VSTM4: variants seen among roughly 807,000 people sequenced by gnomAD.
The protein encoded by VSTM4 is V-set and transmembrane domain-containing protein 4.
In VSTM4, 20 loss-of-function variants were observed where a neutral mutation model predicts 36.4. That is an observed-to-expected ratio of 0.55 (90% CI 0.39 to 0.80). VSTM4 has a LOEUF of 0.80. Among genes scored for constraint, VSTM4 ranks in the 30% least tolerant of loss-of-function variants. The pLI, the probability that VSTM4 is intolerant of heterozygous loss-of-function variation, is 0.00. For synonymous variants in VSTM4, 182 were observed against 173.9 expected, an observed-to-expected ratio of 1.05 and a Z score of -0.37; for missense variants, 392 against 404.5, an observed-to-expected ratio of 0.97 and a Z score of 0.26.
chr10:49,100,097 G>C (rs1278607466), intron 2 of VSTM4, among the ~76,000 whole-genome samples: 3 of 152,170 alleles, frequency 2.0e-5, no homozygotes, highest in Non-Finnish European at 4.4e-5. Flanking sequence ...GGCAATCCCA[G>C]TTGTTTTTTT....
intron 3 of VSTM4, among the ~76,000 whole-genome samples, chr10:49,081,146 C>A (rs1450129694): frequency 6.6e-6 from 1 of 152,194 alleles, no homozygotes; most frequent in East Asian, 1.9e-4. Context: ...ACCCAGCAAA[C>A]CCACGGCCAG....
chr10:49,050,422 C>T (rs1271421266), intron 5 of VSTM4, among the ~76,000 whole-genome samples: 1 of 152,112 alleles, frequency 6.6e-6, no homozygotes, highest in East Asian at 1.9e-4. Flanking sequence ...AAGAGATAGG[C>T]TATTCTAATA....
Position 49,016,903 on chromosome 10 carries a change from C to T in VSTM4, c.*2747G>A, listed in dbSNP as rs1026259924. 6.6e-6 allele frequency: 1 copy of T among 152,366 alleles called. No homozygotes were observed. Among genetic ancestry groups the T allele is most frequent in the Non-Finnish European group, 1.5e-5 (1 of 68,078 alleles). 9.4% of individuals were successfully genotyped at this position (152,366 alleles called of 1,614,324 possible). ...TGTGCTGACTCCATGCCAACCATGC[C>T]AAGGCCAAAACTCACCACCAAATCT... On this transcript the variant is annotated 3_prime_UTR_variant, in exon 8 of 8. Coordinates refer to ENST00000332853, the MANE Select transcript of VSTM4 (RefSeq NM_001031746.5).
intron 7 of VSTM4, among the ~76,000 whole-genome samples, chr10:49,034,006 A>G (rs1237367847): frequency 2.0e-5 from 3 of 152,046 alleles, no homozygotes; most frequent in Admixed American, 2.0e-4. Context: ...CACCATTACC[A>G]TCATCATCAC....
chr10:49,045,795 G>A (rs1347067553), intron 7 of VSTM4, among the ~76,000 whole-genome samples: 2 of 152,120 alleles, frequency 1.3e-5, no homozygotes, highest in African/African-American at 2.4e-5. Flanking sequence ...CATGTGCCCC[G>A]ATACCATGCA....
chr10:49,021,933 T>C (rs1006554878), intron 7 of VSTM4, among the ~76,000 whole-genome samples: 3 of 152,220 alleles, frequency 2.0e-5, no homozygotes, highest in African/African-American at 7.2e-5. Flanking sequence ...TAAGTAAATA[T>C]GTGGGTACAT....
Position 49,074,535 on chromosome 10 carries a change from C to CTT in VSTM4, c.634+2683_634+2684insAA, listed in dbSNP as rs2131988826. Among the ~76,000 whole-genome samples the CTT allele has an allele frequency of 1.3e-5, 2 of 152,258 alleles. 1 individual carries two copies. Among genetic ancestry groups the CTT allele is most frequent in the South Asian group, 4.1e-4 (2 of 4,820 alleles). On this transcript the variant is annotated intron_variant, in intron 4 of 7. Transcript: ENST00000332853. The stretch of plus-strand genomic sequence containing the variant: ...TCCTGAAGTTTTGGGGAGGGCTGCT[C>CTT]TAAGACTCCTGGGCCCAGCTGAAGG...
rs1843150906 is a variant in VSTM4 at position 49,019,655 on chromosome 10, G to T, written c.958C>A (p.Leu320Met). Reference protein sequence around the residue: ...YAQILFEENKL With the variant: ...YAQILFEENKM ...CCTTGGAGGTGGACGCTGTACTACAGCTTGTTCTCCTCGAAGAGGATCTGG... is the reference window on the plus strand; with the variant it reads ...CCTTGGAGGTGGACGCTGTACTACATCTTGTTCTCCTCGAAGAGGATCTGG... Residue 320 changes from leucine to methionine, a missense_variant, in exon 8 of 8, where the codon CTG becomes ATG. Coordinates refer to ENST00000332853, the MANE Select transcript of VSTM4 (RefSeq NM_001031746.5). 3.1e-6 allele frequency: 5 copies of T among 1,611,036 alleles called. No homozygotes were observed. Among genetic ancestry groups the T allele is most frequent in the Non-Finnish European group, 4.2e-6 (5 of 1,178,680 alleles).
intron 4 of VSTM4, among the ~76,000 whole-genome samples, chr10:49,066,867 A>G (rs186716570): frequency 3.8e-4 from 58 of 152,306 alleles, no homozygotes; most frequent in African/African-American, 1.3e-3. Context: ...CACACATATT[A>G]TCTTACAGAT....
At chr10:49,049,361 T>A (rs1843662843) in intron 5 of VSTM4, among the ~76,000 whole-genome samples, 1 of 152,082 alleles carries the variant, frequency 6.6e-6, no homozygotes, top group East Asian at 1.9e-4. Flanking sequence ...ACATTGTTGG[T>A]AAGCAGCAAA....
intron 7 of VSTM4, among the ~76,000 whole-genome samples, chr10:49,021,408 A>G (rs1358019922): frequency 3.3e-5 from 5 of 152,212 alleles, no homozygotes; most frequent in African/African-American, 9.6e-5. Context: ...GTACATTTTC[A>G]TGCTACACAT....
chr10:49,096,894 C>G (rs547113130), intron 2 of VSTM4, among the ~76,000 whole-genome samples: 2 of 152,134 alleles, frequency 1.3e-5, no homozygotes, highest in African/African-American at 4.8e-5. Context: ...ACCTCGTGAT[C>G]CACCCACCTC....
intron 4 of VSTM4, among the ~76,000 whole-genome samples, chr10:49,074,923 C>T (rs1844147146): frequency 6.6e-6 from 1 of 152,052 alleles, no homozygotes. Context: ...TCCCTGGTTT[C>T]AGGGCCTTCT....
intron 5 of VSTM4, among the ~76,000 whole-genome samples, chr10:49,060,550 T>C (rs573575222): frequency 1.8e-4 from 28 of 152,360 alleles, no homozygotes; most frequent in African/African-American, 6.3e-4. Context: ...AATTGTGTTA[T>C]CTGTCACCTC....
intron 5 of VSTM4, among the ~76,000 whole-genome samples, chr10:49,052,403 T>C (rs1843711624): frequency 6.6e-6 from 1 of 151,510 alleles, no homozygotes; most frequent in Non-Finnish European, 1.5e-5. Flanking sequence ...TCATTTATGA[T>C]GGAAGGATAG....
chr10:49,108,137 A>G (rs1590139604), intron 1 of VSTM4, 142 bp from the exon 2 acceptor site: 2 of 1,207,922 alleles, frequency 1.7e-6, no homozygotes, highest in Admixed American at 5.7e-5. Flanking sequence ...GCGGCCCCTC[A>G]CCTCTCCAGA....
At position 49,019,584 on chromosome 10, in the gene VSTM4, G is replaced by A. The variant is rs1390065184; in HGVS notation, c.*66C>T. On this transcript the variant is annotated 3_prime_UTR_variant, in exon 8 of 8. Coordinates refer to ENST00000332853, the MANE Select transcript of VSTM4 (RefSeq NM_001031746.5). ...GTGAAAATACAGACATAAGGGCTTT[G>A]TCTCCAAGGCTTCATAAATCACTGG... is the stretch of plus-strand genomic sequence containing the variant. 6.5e-7 allele frequency: 1 copy of A among 1,531,904 alleles called. No homozygotes were observed. The highest frequency in any genetic ancestry group is 1.4e-5 in the African/African-American group (1 of 72,222). 94.9% of individuals were successfully genotyped at this position (1,531,904 alleles called of 1,614,324 possible).
intron 7 of VSTM4, among the ~76,000 whole-genome samples, chr10:49,041,503 C>T (rs1386570193): frequency 1.3e-5 from 2 of 152,186 alleles, no homozygotes; most frequent in East Asian, 1.9e-4. Flanking sequence ...CAGAGAAGCA[C>T]ATCAGCTCAG....
intron 7 of VSTM4, among the ~76,000 whole-genome samples, chr10:49,026,402 T>C (rs1237559470): frequency 1.3e-5 from 2 of 152,240 alleles, no homozygotes; most frequent in Non-Finnish European, 2.9e-5. Flanking sequence ...GGTGCCTTTT[T>C]GTAATCTACC....
Sources: gnomAD v4.1 joint callset for allele counts (sites outside exome capture counted in the v4.1 genomes callset) on GRCh38, gnomAD v4.1.1 for gene constraint, MANE v1.5 for transcripts, NCBI Gene and HGNC (gene_info 2026-07-23, HGNC 2026-07-21) for gene names.